LPAR1: variants seen among roughly 807,000 people sequenced by gnomAD.
The protein encoded by LPAR1 is lysophosphatidic acid receptor 1, also known as LPA receptor 1.
In LPAR1, 5 loss-of-function variants were observed where a neutral mutation model predicts 23.8. The ratio of observed to expected loss-of-function variants is 0.21; its 90% CI spans 0.11 to 0.44. The LOEUF is 0.44. Among genes scored for constraint, LPAR1 ranks in the 20% least tolerant of loss-of-function variants. The pLI is 0.99. For synonymous variants in LPAR1, 160 were observed against 164.7 expected (o/e 0.97, Z 0.22); for missense variants, 311 against 482.8 (o/e 0.64, Z 3.33).
At chr9:111,027,439 C>T (rs772189796) in intron 2 of LPAR1, among the ~76,000 whole-genome samples, 4 of 152,066 alleles carry the variant, frequency 2.6e-5, no homozygotes, top group Non-Finnish European at 5.9e-5. Flanking sequence ...AGTTTGAGGC[C>T]ACAGTGAGCT....
chr9:110,956,066 G>T (rs1035568876), intron 4 of LPAR1, among the ~76,000 whole-genome samples: 27 of 152,090 alleles, frequency 1.8e-4, no homozygotes, highest in African/African-American at 6.3e-4. Flanking sequence ...ATAAAAAAAG[G>T]ATGAGTTCGT....
chr9:110,895,584 G>T (rs1292430346), intron 5 of LPAR1, among the ~76,000 whole-genome samples: 1 of 152,188 alleles, frequency 6.6e-6, no homozygotes, highest in Non-Finnish European at 1.5e-5. Context: ...TCTTTAGGGA[G>T]TGAACACACA....
chr9:110,922,562 T>C (rs1372931322), intron 5 of LPAR1, among the ~76,000 whole-genome samples: 3 of 152,138 alleles, frequency 2.0e-5, no homozygotes, highest in Non-Finnish European at 2.9e-5. Context: ...TTTTACAAAA[T>C]GGCTACTAAT....
chr9:110,904,887 C>T (rs918838200), intron 5 of LPAR1, among the ~76,000 whole-genome samples: 1 of 152,158 alleles, frequency 6.6e-6, no homozygotes, highest in Admixed American at 6.5e-5. Context: ...GTTCACAATC[C>T]AAAGAGGATA....
At chr9:110,910,272 G>T (rs1377768076) in intron 5 of LPAR1, among the ~76,000 whole-genome samples, 1 of 151,988 alleles carries the variant, frequency 6.6e-6, no homozygotes, top group African/African-American at 2.4e-5. Flanking sequence ...CAGCCCTTAA[G>T]AATTATACTA....
At chr9:110,954,463 G>A (rs979115453) in intron 4 of LPAR1, among the ~76,000 whole-genome samples, 2 of 151,944 alleles carry the variant, frequency 1.3e-5, no homozygotes, top group African/African-American at 4.8e-5. Flanking sequence ...CCAGATATAG[G>A]AGGCTCAGGG....
intron 5 of LPAR1, among the ~76,000 whole-genome samples, chr9:110,927,234 A>AT (rs2094109842): frequency 2.0e-5 from 1 of 48,976 alleles, no homozygotes; most frequent in East Asian, 5.1e-4. Context: ...AGCATTCCAC[A>AT]CTTTTTTTTT....
At chr9:110,977,572 T>C (rs2096577762) in intron 2 of LPAR1, among the ~76,000 whole-genome samples, 1 of 152,094 alleles carries the variant, frequency 6.6e-6, no homozygotes, top group Non-Finnish European at 1.5e-5. Flanking sequence ...CTACTACAAA[T>C]GTAACCTTTT....
intron 5 of LPAR1, among the ~76,000 whole-genome samples, chr9:110,916,474 A>G (rs2093104062): frequency 6.6e-6 from 1 of 152,220 alleles, no homozygotes; most frequent in East Asian, 1.9e-4. Flanking sequence ...GTATACTATA[A>G]AACATTGACA....
intron 5 of LPAR1, among the ~76,000 whole-genome samples, chr9:110,876,384 A>G (rs745521220): frequency 3.3e-5 from 5 of 152,250 alleles, no homozygotes; most frequent in African/African-American, 7.2e-5. Flanking sequence ...GTGATTTTCA[A>G]TGACAAGATC....
At chr9:110,926,006 T>C (rs1010591916) in intron 5 of LPAR1, among the ~76,000 whole-genome samples, 1 of 152,168 alleles carries the variant, frequency 6.6e-6, no homozygotes, top group Non-Finnish European at 1.5e-5. Context: ...CTGCAAGCTC[T>C]GCCTCCCGGG....
chr9:111,033,204 T>G (rs1273721020), intron 2 of LPAR1, among the ~76,000 whole-genome samples: 1 of 152,210 alleles, frequency 6.6e-6, no homozygotes, highest in South Asian at 2.1e-4. Flanking sequence ...ACTGATTAGA[T>G]GACAGGGACA....
chr9:110,949,472 T>C (rs994535288), intron 4 of LPAR1, among the ~76,000 whole-genome samples: 1 of 152,240 alleles, frequency 6.6e-6, no homozygotes, highest in Non-Finnish European at 1.5e-5. Context: ...CACACTTGAC[T>C]AGAAGTCTGA....
intron 2 of LPAR1, among the ~76,000 whole-genome samples, chr9:111,031,126 CA>C (rs143311668): frequency 7.9e-5 from 12 of 150,968 alleles, no homozygotes; most frequent in East Asian, 1.9e-4. Flanking sequence ...TGAATCATTG[CA>C]AAAAAAAATT....
At chr9:111,031,584 A>T (rs900023226) in intron 2 of LPAR1, among the ~76,000 whole-genome samples, 5 of 151,918 alleles carry the variant, frequency 3.3e-5, no homozygotes, top group Non-Finnish European at 5.9e-5. Flanking sequence ...GCACTCCAAG[A>T]CCCTATCTCA....
chr9:110,995,378 AGG>A (rs966006972), intron 2 of LPAR1, among the ~76,000 whole-genome samples: 1 of 152,114 alleles, frequency 6.6e-6, no homozygotes, highest in Non-Finnish European at 1.5e-5. Context: ...TGAGGTGGGG[AGG>A]GGGAAGAAAA....
intron 5 of LPAR1, among the ~76,000 whole-genome samples, chr9:110,912,065 G>C (rs7854681): frequency 6.6e-6 from 1 of 152,030 alleles, no homozygotes; most frequent in African/African-American, 2.4e-5. Flanking sequence ...AAGAATAAAC[G>C]TCTGGGTTAC....
Position 110,942,138 on chromosome 9 carries a change from A to G in LPAR1, c.76T>C (p.Tyr26His). 1 of 1,613,914 alleles carries G rather than the reference A, an allele frequency of 6.2e-7. No homozygotes were observed. The highest frequency in any genetic ancestry group is 8.5e-7 in the Non-Finnish European group (1 of 1,179,878). ...FTAMNEPQCF[Y>H]NESIAFFYNR... The stretch of plus-strand genomic sequence containing the variant: ...TAAAAGAAGGCAATGGACTCGTTGT[A>G]GAAGCACTGTGGTTCATTCATGGCT... The change falls in exon 5 of 6, where the codon TAC becomes CAC. Residue 26 changes from tyrosine to histidine, a missense_variant. This residue lies in a region of LPAR1 where 61 missense variants were observed against 55.6 expected (regional missense o/e 1.10). Coordinates refer to ENST00000683809, the MANE Select transcript of LPAR1 (RefSeq NM_001351411.2).
intron 5 of LPAR1, among the ~76,000 whole-genome samples, chr9:110,905,749 T>C (rs752030438): frequency 2.0e-5 from 3 of 152,172 alleles, no homozygotes; most frequent in African/African-American, 4.8e-5. Context: ...TGTAAGGATT[T>C]AAAAGGCTCT....
Sources: gnomAD v4.1 joint callset for allele counts (sites outside exome capture counted in the v4.1 genomes callset) on GRCh38, gnomAD v4.1.1 for gene constraint, gnomAD v4.1.1 regional missense constraint, MANE v1.5 for transcripts, NCBI Gene and HGNC (gene_info 2026-07-23, HGNC 2026-07-21) for gene names.